The following PDZRN4 variants were observed in gnomAD, a reference collection of about 807,000 sequenced individuals.
The protein encoded by PDZRN4 is PDZ domain-containing RING finger protein 4.
In PDZRN4, 70 loss-of-function variants were observed where a neutral mutation model predicts 99.0. That is an observed-to-expected ratio of 0.71 (90% CI 0.58 to 0.86). PDZRN4 has a LOEUF of 0.86. Among genes scored for constraint, PDZRN4 ranks in the 40% least tolerant of loss-of-function variants. The pLI is 0.00. For synonymous variants in PDZRN4, 551 were observed against 501.6 expected (o/e 1.10, Z -1.32); for missense variants, 1,474 against 1,331.2 (o/e 1.11, Z -1.67).
intron 5 of PDZRN4, among the ~76,000 whole-genome samples, chr12:41,548,533 T>A (rs369679139): frequency 1.2e-4 from 19 of 152,332 alleles, no homozygotes; most frequent in African/African-American, 3.6e-4. Flanking sequence ...TGTCAACTGA[T>A]ATAAACGGCT....
chr12:41,415,858 G>A (rs1431020851), intron 3 of PDZRN4, among the ~76,000 whole-genome samples: 1 of 152,120 alleles, frequency 6.6e-6, no homozygotes, highest in African/African-American at 2.4e-5. Context: ...TCAAGATCTT[G>A]ACTCTTGAAA....
intron 3 of PDZRN4, among the ~76,000 whole-genome samples, chr12:41,304,010 A>G (rs1025680896): frequency 2.0e-5 from 3 of 152,308 alleles, no homozygotes; most frequent in East Asian, 3.9e-4. Flanking sequence ...ACAGACATAT[A>G]AAGATATTAT....
At chr12:41,193,709 T>C (rs1950751614) in intron 2 of PDZRN4, among the ~76,000 whole-genome samples, 3 of 152,234 alleles carry the variant, frequency 2.0e-5, no homozygotes, top group Admixed American at 1.3e-4. Flanking sequence ...ACCAGATATA[T>C]GTTTTTTTCC....
intron 3 of PDZRN4, among the ~76,000 whole-genome samples, chr12:41,280,004 C>G (rs1951372755): frequency 6.6e-6 from 1 of 152,158 alleles, no homozygotes; most frequent in Admixed American, 6.5e-5. Context: ...GCATTTCCAA[C>G]AGAGGTACCC....
chr12:41,370,098 T>G (rs1952030097), intron 3 of PDZRN4, among the ~76,000 whole-genome samples: 2 of 152,098 alleles, frequency 1.3e-5, no homozygotes, highest in African/African-American at 4.8e-5. Context: ...TTGTTTAAAA[T>G]GCCCCTAAAC....
intron 3 of PDZRN4, among the ~76,000 whole-genome samples, chr12:41,445,005 TA>T (rs1229826715): frequency 7.9e-5 from 12 of 152,086 alleles, no homozygotes; most frequent in African/African-American, 2.9e-4. Flanking sequence ...CCTTCCATCA[TA>T]GAAAGATCAA....
chr12:41,513,188 A>G (rs1481052491), intron 5 of PDZRN4, among the ~76,000 whole-genome samples: 1 of 152,082 alleles, frequency 6.6e-6, no homozygotes, highest in African/African-American at 2.4e-5. Context: ...ATATTATTTC[A>G]CTGATGGACT....
chr12:41,411,163 A>C (rs1952396790), intron 3 of PDZRN4, among the ~76,000 whole-genome samples: 1 of 151,894 alleles, frequency 6.6e-6, no homozygotes, highest in South Asian at 2.1e-4. Flanking sequence ...AGCCTCCCAA[A>C]GTGCTAGGAT....
chr12:41,287,959 G>C (rs1000687295), intron 3 of PDZRN4, among the ~76,000 whole-genome samples: 24 of 152,136 alleles, frequency 1.6e-4, no homozygotes, highest in African/African-American at 5.3e-4. Context: ...TTGTGACTTA[G>C]GATTATCAGT....
At chr12:41,214,656 A>G (rs1950909644) in intron 3 of PDZRN4, among the ~76,000 whole-genome samples, 1 of 151,938 alleles carries the variant, frequency 6.6e-6, no homozygotes, top group South Asian at 2.1e-4. Context: ...TTACAACTAC[A>G]TTTATGAAAT....
At chr12:41,346,003 G>T (rs1951851093) in intron 3 of PDZRN4, among the ~76,000 whole-genome samples, 1 of 151,984 alleles carries the variant, frequency 6.6e-6, no homozygotes, top group Non-Finnish European at 1.5e-5. Context: ...AGGATATTCA[G>T]TCTGTGTTAA....
At chr12:41,307,012 A>C (rs538175375) in intron 3 of PDZRN4, among the ~76,000 whole-genome samples, 1 of 152,298 alleles carries the variant, frequency 6.6e-6, no homozygotes, top group African/African-American at 2.4e-5. Flanking sequence ...AGTCCTCATC[A>C]GAATCACCTT....
At chr12:41,376,399 T>G (rs1179693045) in intron 3 of PDZRN4, among the ~76,000 whole-genome samples, 3 of 151,994 alleles carry the variant, frequency 2.0e-5, no homozygotes, top group Non-Finnish European at 4.4e-5. Flanking sequence ...TTATCTCTTG[T>G]TTTTTTTAGA....
intron 3 of PDZRN4, among the ~76,000 whole-genome samples, chr12:41,218,566 G>C (rs1354680865): frequency 6.6e-6 from 1 of 152,086 alleles, no homozygotes; most frequent in African/African-American, 2.4e-5. Flanking sequence ...CATACCCCCT[G>C]TAAAGAGTGT....
chr12:41,442,125 G>A (rs188490508), intron 3 of PDZRN4, among the ~76,000 whole-genome samples: 10 of 152,152 alleles, frequency 6.6e-5, no homozygotes, highest in African/African-American at 2.4e-4. Context: ...GTGGCTTCTA[G>A]GTTTCTTTCC....
At chr12:41,466,397 T>G (rs148919044) in intron 3 of PDZRN4, among the ~76,000 whole-genome samples, 1 of 152,260 alleles carries the variant, frequency 6.6e-6, no homozygotes, top group South Asian at 2.1e-4. Flanking sequence ...GGAGGATTAA[T>G]CTCTAGTGCC....
intron 3 of PDZRN4, among the ~76,000 whole-genome samples, chr12:41,259,386 C>G (rs537068852): frequency 6.6e-6 from 1 of 152,108 alleles, no homozygotes. Flanking sequence ...GACATGCTTA[C>G]GTATTTGCTC....
At chr12:41,545,846 A>G (rs1190891441) in intron 5 of PDZRN4, among the ~76,000 whole-genome samples, 1 of 151,978 alleles carries the variant, frequency 6.6e-6, no homozygotes, top group Admixed American at 6.6e-5. Flanking sequence ...CCAGCCAAGC[A>G]TGAAGAGAGA....
At position 41,188,703 on chromosome 12, in the gene PDZRN4, A is replaced by G; in HGVS notation, c.248A>G (p.Tyr83Cys). 4 of 1,555,088 alleles carry G rather than the reference A, an allele frequency of 2.6e-6. No individual in the cohort carries two copies. Among genetic ancestry groups the G allele is most frequent in the Non-Finnish European group, 2.6e-6 (3 of 1,160,978 alleles). Reference sequence around the variant, plus strand: ...CAGAAGCTGCGAGTCCAGTGCGACTACCGCGCCCGCGGCTGCGGCCACTCG... The same window carrying G: ...CAGAAGCTGCGAGTCCAGTGCGACTGCCGCGCCCGCGGCTGCGGCCACTCG... The part of the protein sequence containing the change: ...LIQKLRVQCD[Y>C]RARGCGHSVR... The change falls in exon 1 of 10, where the codon TAC becomes TGC. Residue 83 changes from tyrosine to cysteine, a missense_variant. Coordinates refer to ENST00000402685, the MANE Select transcript of PDZRN4 (RefSeq NM_001164595.2).
Sources: allele counts gnomAD v4.1 joint callset (sites outside exome capture counted in the v4.1 genomes callset), GRCh38; gene constraint gnomAD v4.1.1; transcripts MANE v1.5; gene names NCBI Gene and HGNC (gene_info 2026-07-23, HGNC 2026-07-21).